SHTN1: variants seen among roughly 807,000 people sequenced by gnomAD.
SHTN1 encodes the protein shootin-1.
SHTN1 carries 42 observed loss-of-function variants against 83.1 expected under a neutral mutation model. The ratio of observed to expected loss-of-function variants is 0.51; its 90% confidence interval spans 0.39 to 0.65. SHTN1 has a LOEUF of 0.65. Ranked by LOEUF, SHTN1 falls within the 30% of genes least tolerant of loss-of-function variation. SHTN1 has a pLI of 0.00. For missense variants in SHTN1, 622 were observed against 737.8 expected (o/e 0.84, Z 1.82); for synonymous variants, 224 against 247.7 (o/e 0.90, Z 0.90).
chr10:116,907,631 T>C (rs1010086930), intron 14 of SHTN1, among the ~76,000 whole-genome samples: 1 of 152,202 alleles, frequency 6.6e-6, no homozygotes, highest in Admixed American at 6.5e-5. Context: ...AAGGATTTAA[T>C]ACATCAACAA....
intron 16 of SHTN1, among the ~76,000 whole-genome samples, chr10:116,889,032 C>T (rs1847251897): frequency 6.6e-6 from 1 of 152,232 alleles, no homozygotes; most frequent in African/African-American, 2.4e-5. Context: ...CTGCTTTCAG[C>T]ATGCAAAGGA....
chr10:117,023,111 T>C (rs530264813), intron 2 of SHTN1, among the ~76,000 whole-genome samples: 1 of 152,370 alleles, frequency 6.6e-6, no homozygotes, highest in Non-Finnish European at 1.5e-5. Flanking sequence ...TTCACACATA[T>C]GGTGACATTC....
exon 1 of SHTN1, chr10:117,126,375 G>A (rs1016234922): frequency 5.7e-6 from 1 of 176,080 alleles, no homozygotes; most frequent in Non-Finnish European, 1.2e-5. Context: ...GAGGTGCCGG[G>A]TCCAGGCTCA....
At chr10:116,979,222 G>GT (rs760015114) in intron 2 of SHTN1, 34 bp downstream of exon 2, 19 of 1,583,666 alleles carry the variant, frequency 1.2e-5, no homozygotes, top group Admixed American at 1.0e-4. Context: ...TTTTACACAT[G>GT]TAAGAAAGGG....
At chr10:116,982,029 G>A (rs1851039919) in intron 1 of SHTN1, among the ~76,000 whole-genome samples, 1 of 152,172 alleles carries the variant, frequency 6.6e-6, no homozygotes, top group Non-Finnish European at 1.5e-5. Context: ...CTGTATTCCA[G>A]CCTGGGCAAC....
At chr10:117,083,836 T>A (rs1761781116) in intron 1 of SHTN1, among the ~76,000 whole-genome samples, 1 of 152,156 alleles carries the variant, frequency 6.6e-6, no homozygotes, top group Non-Finnish European at 1.5e-5. Context: ...GTTGATCGCA[T>A]CGGCTCCTGA....
intron 7 of SHTN1, among the ~76,000 whole-genome samples, chr10:116,947,317 G>A (rs1021128102): frequency 6.6e-6 from 1 of 152,122 alleles, no homozygotes; most frequent in East Asian, 1.9e-4. Flanking sequence ...CCTCCACCCT[G>A]AGCTGAGTCA....
chr10:117,072,347 G>A (rs943457806), intron 1 of SHTN1, among the ~76,000 whole-genome samples: 3 of 152,164 alleles, frequency 2.0e-5, no homozygotes, highest in East Asian at 1.9e-4. Flanking sequence ...AGCTCAGAAC[G>A]ACAGAGCAGT....
intron 6 of SHTN1, among the ~76,000 whole-genome samples, chr10:116,949,599 G>A (rs567431629): frequency 2.0e-5 from 3 of 152,182 alleles, no homozygotes; most frequent in Admixed American, 6.5e-5. Flanking sequence ...CACCAACATG[G>A]CACATGTATA....
intron 1 of SHTN1, among the ~76,000 whole-genome samples, chr10:117,055,428 G>A (rs1852813938): frequency 6.6e-6 from 1 of 152,218 alleles, no homozygotes; most frequent in South Asian, 2.1e-4. Context: ...ATTAACACCA[G>A]GGTTGAAGAG....
At chr10:116,992,104 T>C (rs1851457798) in intron 1 of SHTN1, among the ~76,000 whole-genome samples, 1 of 151,764 alleles carries the variant, frequency 6.6e-6, no homozygotes, top group African/African-American at 2.4e-5. Flanking sequence ...ATCATGCCAC[T>C]GCACTCCAGC....
At position 117,003,690 on chromosome 10, in the gene SHTN1, A is replaced by G. The variant is rs199879139; in HGVS notation, c.58+1332T>C. ...TTGACCAGAAGATCCACGGAAGGAA[A>G]GAGACTCCTCCAAGTTCACAGAGCA... On this transcript the variant is annotated intron_variant, in intron 1 of 16. Transcript: ENST00000355371. 3.3e-5 allele frequency among the ~76,000 whole-genome samples: 5 copies of G among 152,012 alleles called. No individual in the cohort carries two copies. The East Asian group carries it at 7.8e-4, about 24-fold the overall frequency.
At chr10:116,974,848 CA>C (rs1488390306) in intron 2 of SHTN1, among the ~76,000 whole-genome samples, 1 of 151,202 alleles carries the variant, frequency 6.6e-6, no homozygotes, top group Admixed American at 6.6e-5. Flanking sequence ...GAAAAAAACC[CA>C]AACGATTATG....
intron 1 of SHTN1, among the ~76,000 whole-genome samples, chr10:117,107,988 GC>G (rs1350270768): frequency 6.6e-6 from 1 of 152,146 alleles, no homozygotes; most frequent in Admixed American, 6.5e-5. Context: ...ACTGCACCTG[GC>G]CTATTAAAAC....
intron 2 of SHTN1, among the ~76,000 whole-genome samples, chr10:117,021,862 G>T (rs1396647649): frequency 6.6e-6 from 1 of 152,152 alleles, no homozygotes; most frequent in African/African-American, 2.4e-5. Flanking sequence ...CTGTGGTATA[G>T]GACTTAGCTA....
At chr10:117,047,357 G>A (rs942189693) in intron 2 of SHTN1, among the ~76,000 whole-genome samples, 2 of 150,498 alleles carry the variant, frequency 1.3e-5, no homozygotes, top group African/African-American at 5.0e-5. Flanking sequence ...GAGCCACCAT[G>A]CCCAGCCCTC....
At chr10:117,116,954 T>C (rs1481425297) in intron 1 of SHTN1, among the ~76,000 whole-genome samples, 1 of 152,118 alleles carries the variant, frequency 6.6e-6, no homozygotes, top group African/African-American at 2.4e-5. Context: ...ACTAACATAT[T>C]GAATGAAGAA....
chr10:117,084,854 T>C (rs1263230475), intron 1 of SHTN1, among the ~76,000 whole-genome samples: 1 of 151,584 alleles, frequency 6.6e-6, no homozygotes, highest in Non-Finnish European at 1.5e-5. Flanking sequence ...CCCTGACCCC[T>C]TGCGCTTCCC....
chr10:117,121,862 C>T (rs1046003186), intron 1 of SHTN1, among the ~76,000 whole-genome samples: 5 of 151,754 alleles, frequency 3.3e-5, no homozygotes, highest in African/African-American at 1.2e-4. Flanking sequence ...GCAACCCCGT[C>T]TCTACTAAAA....
Sources: gnomAD v4.1 joint callset for allele counts (sites outside exome capture counted in the v4.1 genomes callset) on GRCh38, gnomAD v4.1.1 for gene constraint, MANE v1.5 for transcripts, NCBI Gene and HGNC (gene_info 2026-07-23, HGNC 2026-07-21) for gene names.